Variants in TRAPPC12 observed in about 807,000 individuals in gnomAD.
The protein encoded by TRAPPC12 is TPR repeat protein 15.
In TRAPPC12, 61 loss-of-function variants were observed where a neutral mutation model predicts 69.2. That is an observed-to-expected ratio of 0.88 (90% confidence interval 0.72 to 1.09). TRAPPC12 has a LOEUF of 1.09. Ranked by LOEUF, TRAPPC12 falls within the 50% of genes least tolerant of loss-of-function variation. The pLI is 0.00. For missense variants in TRAPPC12, 1,101 were observed against 1,016.4 expected, an observed-to-expected ratio of 1.08 and a Z score of -1.13; for synonymous variants, 469 against 438.9, an observed-to-expected ratio of 1.07 and a Z score of -0.86.
chr2:3,457,952 C>T (rs953319923), intron 7 of TRAPPC12: 30 of 1,366,294 alleles, frequency 2.2e-5, no homozygotes, highest in African/African-American at 8.8e-5. Flanking sequence ...GCACACGGCC[C>T]GGAACCTGCC....
At chr2:3,426,678 C>A (rs1346405793) in intron 5 of TRAPPC12, among the ~76,000 whole-genome samples, 1 of 152,144 alleles carries the variant, frequency 6.6e-6, no homozygotes, top group Non-Finnish European at 1.5e-5. Context: ...TTACCTCTTC[C>A]CTGGGGTATT....
Position 3,385,821 on chromosome 2 carries a change from A to G in TRAPPC12, c.-4-1799A>G, listed in dbSNP as rs558064932. ...CCTGCTGGGAGACTTCAGAGGGGGC[A>G]CTGCCTCATGCTGCCTGTTTGCTCC... On this transcript the variant is annotated intron_variant, in intron 1 of 11. Transcript: ENST00000324266. Among the ~76,000 whole-genome samples, 142 of 152,356 alleles carry G rather than the reference A, an allele frequency of 9.3e-4. 1 individual carries two copies. Among genetic ancestry groups the G allele is most frequent in the East Asian group, 5.8e-4 (3 of 5,186 alleles).
intron 9 of TRAPPC12, chr2:3,472,747 A>G (rs1490911609): frequency 1.3e-5 from 2 of 152,178 alleles, no homozygotes; most frequent in Non-Finnish European, 2.9e-5. Context: ...TATATGAAGA[A>G]CTCTTACAGC....
At chr2:3,443,688 G>T in intron 5 of TRAPPC12, 91 bp from the exon 6 acceptor site, 1 of 890,284 alleles carries the variant, frequency 1.1e-6, no homozygotes, top group East Asian at 2.5e-5. Context: ...ACTTCTGCTG[G>T]GACATCTGCG....
At chr2:3,410,029 T>C (rs1403658409) in intron 3 of TRAPPC12, among the ~76,000 whole-genome samples, 1 of 152,294 alleles carries the variant, frequency 6.6e-6, no homozygotes, top group East Asian at 1.9e-4. Context: ...TGGAAAGGGC[T>C]GCCCAGACTC....
rs114655136 is a variant in TRAPPC12 at position 3,477,306 on chromosome 2, A to G, written c.1777-389A>G. On this transcript the variant is annotated intron_variant, in intron 9 of 11. Coordinates refer to ENST00000324266, the MANE Select transcript of TRAPPC12 (RefSeq NM_016030.6). The stretch of plus-strand genomic sequence containing the variant: ...GGTGGCACCTACCATTTTACTAGCC[A>G]CAAGTAACTCATAAGTTGACGTAGG... Among the ~76,000 whole-genome samples, 887 of 152,376 alleles carry G rather than the reference A, an allele frequency of 5.8e-3. 11 individuals carry two copies. Among genetic ancestry groups the G allele is most frequent in the African/African-American group, 0.02 (849 of 41,590 alleles).
intron 9 of TRAPPC12, among the ~76,000 whole-genome samples, chr2:3,474,151 C>T (rs1666189101): frequency 6.6e-6 from 1 of 152,238 alleles, no homozygotes; most frequent in South Asian, 2.1e-4. Context: ...TCCCCCACCC[C>T]TCAGTGCCTG....
At chr2:3,392,668 C>T (rs981474450) in intron 2 of TRAPPC12, among the ~76,000 whole-genome samples, 3 of 152,148 alleles carry the variant, frequency 2.0e-5, no homozygotes, top group African/African-American at 7.2e-5. Flanking sequence ...GGCTGTTAAC[C>T]GAAAACTCTG....
intron 9 of TRAPPC12, 154 bp downstream of exon 9, chr2:3,465,849 T>C (rs1238318837): frequency 3.1e-6 from 2 of 635,350 alleles, no homozygotes; most frequent in Admixed American, 2.6e-5. Context: ...GTGGGTTCTT[T>C]CCAGGAGTTC....
At chr2:3,443,629 A>G (rs1220947674) in intron 5 of TRAPPC12, 150 bp from the exon 6 acceptor site, 3 of 678,428 alleles carry the variant, frequency 4.4e-6, no homozygotes, top group South Asian at 1.7e-5. Context: ...CATGTATTTT[A>G]TAGTTGACAC....
chr2:3,443,635 G>A (rs893116185), intron 5 of TRAPPC12, 144 bp from the exon 6 acceptor site: 3 of 689,096 alleles, frequency 4.4e-6, no homozygotes, highest in Non-Finnish European at 8.1e-6. Context: ...TTTTATAGTT[G>A]ACACCGTTAA....
At chr2:3,467,013 G>GAGAAGT in intron 9 of TRAPPC12, among the ~76,000 whole-genome samples, 1 of 152,326 alleles carries the variant, frequency 6.6e-6, no homozygotes, top group Middle Eastern at 3.4e-3. Context: ...TGCACAATTT[G>GAGAAGT]AGAAGTAGAT....
chr2:3,431,190 G>A (rs1026054848), intron 5 of TRAPPC12, among the ~76,000 whole-genome samples: 2 of 152,180 alleles, frequency 1.3e-5, no homozygotes, highest in Admixed American at 1.3e-4. Flanking sequence ...TGCTGCCCTC[G>A]CCGTCTTCCA....
chr2:3,421,358 ATGT>A (rs1180904481), intron 3 of TRAPPC12, among the ~76,000 whole-genome samples: 8 of 152,248 alleles, frequency 5.3e-5, no homozygotes, highest in Admixed American at 4.6e-4. Context: ...GGCCTGGAAC[ATGT>A]TGTGTTCACC....
In TRAPPC12 at chr2:3,405,200, A is replaced by G. The variant is rs868219471; in HGVS notation, c.1164+3307A>G. Among the ~76,000 whole-genome samples, 7 of 151,864 alleles carry G rather than the reference A, an allele frequency of 4.6e-5. No homozygotes were observed. In the Middle Eastern group the frequency reaches 0.01, roughly 221 times the overall value. On this transcript the variant is annotated intron_variant, in intron 3 of 11. Transcript: ENST00000324266. ...TTTGGGGGGGTGGGGGGAAAGGAGG[A>G]TGAATTTTACTATTTAAAAATTTGA... is the stretch of plus-strand genomic sequence containing the variant.
At chr2:3,446,897 A>G (rs1572173763) in intron 6 of TRAPPC12, among the ~76,000 whole-genome samples, 1 of 152,194 alleles carries the variant, frequency 6.6e-6, no homozygotes, top group South Asian at 2.1e-4. Flanking sequence ...ATACATCATG[A>G]TCCTCCAGAA....
intron 2 of TRAPPC12, among the ~76,000 whole-genome samples, chr2:3,395,353 T>TA (rs1661067736): frequency 1.3e-5 from 2 of 152,286 alleles, no homozygotes; most frequent in South Asian, 4.1e-4. Flanking sequence ...GTCTTATTGT[T>TA]ACTGTGTTTT....
intron 9 of TRAPPC12, among the ~76,000 whole-genome samples, chr2:3,468,820 T>C (rs935744297): frequency 7.2e-5 from 11 of 152,184 alleles, no homozygotes; most frequent in African/African-American, 2.7e-4. Flanking sequence ...TCAGAGCTCC[T>C]GCTGGCGCAC....
At chr2:3,472,462 C>T (rs1057405298) in intron 9 of TRAPPC12, 5 of 152,242 alleles carry the variant, frequency 3.3e-5, no homozygotes, top group African/African-American at 7.2e-5. Context: ...AAGAGACTGA[C>T]TTCTGGCTGC....
Sources: allele counts gnomAD v4.1 joint callset (sites outside exome capture counted in the v4.1 genomes callset), GRCh38; gene constraint gnomAD v4.1.1; transcripts MANE v1.5; gene names NCBI Gene and HGNC (gene_info 2026-07-23, HGNC 2026-07-21).